Variants in LSAMP observed in about 807,000 individuals in gnomAD.
LSAMP encodes the protein limbic system associated membrane protein.
In LSAMP, 7 loss-of-function variants were observed where a neutral mutation model predicts 38.6. The ratio of observed to expected loss-of-function variants is 0.18; its 90% CI spans 0.10 to 0.34. LSAMP has a LOEUF of 0.34. Among genes scored for constraint, LSAMP ranks in the 10% least tolerant of loss-of-function variants. LSAMP has a pLI of 1.00. For synonymous variants in LSAMP, 154 were observed against 166.8 expected, an observed-to-expected ratio of 0.92 and a Z score of 0.59; for missense variants, 313 against 420.0, an observed-to-expected ratio of 0.75 and a Z score of 2.23.
chr3:116,044,889 G>A (rs1306817049), intron 2 of LSAMP, among the ~76,000 whole-genome samples: 1 of 152,130 alleles, frequency 6.6e-6, no homozygotes, highest in Non-Finnish European at 1.5e-5. Flanking sequence ...AGTGGAAGAT[G>A]CCCTGAAAAG....
intron 1 of LSAMP, among the ~76,000 whole-genome samples, chr3:116,321,324 G>T (rs2047702843): frequency 6.6e-6 from 1 of 152,094 alleles, no homozygotes; most frequent in Non-Finnish European, 1.5e-5. Context: ...AGTAAGTCAT[G>T]ATCTTACCAC....
intron 1 of LSAMP, among the ~76,000 whole-genome samples, chr3:116,253,131 T>C (rs183562947): frequency 5.1e-4 from 77 of 152,118 alleles, no homozygotes; most frequent in Admixed American, 5.9e-4. Flanking sequence ...AAGAGAGAGC[T>C]AGGAATTTTC....
At position 116,162,768 on chromosome 3, in the gene LSAMP, TACACACAC is replaced by T. The variant is rs71141856; in HGVS notation, c.156-76220_156-76213del. Among the ~76,000 whole-genome samples the T allele has an allele frequency of 8.2e-4, 121 of 147,438 alleles. No individual in the cohort carries two copies. The East Asian group carries it at 9.7e-3, about 12-fold the overall frequency. ...TATACATATCGTATACACACACTTA[TACACACAC>T]ACACACACACACACACACACACTTT... On this transcript the variant is annotated intron_variant, in intron 1 of 6. Transcript: ENST00000490035.
intron 3 of LSAMP, among the ~76,000 whole-genome samples, chr3:115,871,641 A>G (rs999073281): frequency 1.4e-4 from 13 of 94,380 alleles, no homozygotes; most frequent in African/African-American, 4.6e-4. Context: ...CAGAGAGACA[A>G]AGAGAGAGAG....
At chr3:115,903,913 C>T (rs901003860) in intron 3 of LSAMP, among the ~76,000 whole-genome samples, 1 of 152,120 alleles carries the variant, frequency 6.6e-6, no homozygotes. Flanking sequence ...AAAGTCTTCC[C>T]TCCAAAATTC....
chr3:116,245,244 C>T (rs1187080864), intron 1 of LSAMP, among the ~76,000 whole-genome samples: 1 of 152,098 alleles, frequency 6.6e-6, no homozygotes, highest in Admixed American at 6.6e-5. Context: ...AGGATCATGG[C>T]CCCAGAAGTT....
chr3:116,175,738 G>A (rs1197890152), intron 1 of LSAMP, among the ~76,000 whole-genome samples: 4 of 151,856 alleles, frequency 2.6e-5, no homozygotes, highest in African/African-American at 9.7e-5. Context: ...CTGGGTCAAA[G>A]TGAGTGTCAT....
At chr3:115,941,874 C>A (rs941583155) in intron 3 of LSAMP, among the ~76,000 whole-genome samples, 2 of 151,928 alleles carry the variant, frequency 1.3e-5, no homozygotes, top group Non-Finnish European at 2.9e-5. Flanking sequence ...ATCTAATGCA[C>A]AACTTGGTGG....
chr3:116,071,018 CA>C (rs1240657981), intron 2 of LSAMP, among the ~76,000 whole-genome samples: 4 of 150,118 alleles, frequency 2.7e-5, no homozygotes, highest in African/African-American at 9.8e-5. Flanking sequence ...CCAGCCTGGG[CA>C]ACAAGAATGA....
chr3:116,178,881 C>G (rs1411979881), intron 1 of LSAMP, among the ~76,000 whole-genome samples: 2 of 152,190 alleles, frequency 1.3e-5, no homozygotes, highest in Admixed American at 1.3e-4. Context: ...TATATGATCT[C>G]ACTGTCTTTT....
At chr3:116,016,395 G>T (rs1940484001) in intron 3 of LSAMP, among the ~76,000 whole-genome samples, 1 of 152,186 alleles carries the variant, frequency 6.6e-6, no homozygotes, top group African/African-American at 2.4e-5. Flanking sequence ...AGCTAGTTTT[G>T]CATGTGCCAG....
At chr3:116,228,148 T>G (rs1401126114) in intron 1 of LSAMP, among the ~76,000 whole-genome samples, 2 of 152,118 alleles carry the variant, frequency 1.3e-5, no homozygotes, top group Admixed American at 6.5e-5. Context: ...TGGTCCACAA[T>G]TTTTCTAATA....
intron 1 of LSAMP, among the ~76,000 whole-genome samples, chr3:116,408,845 C>T (rs1407770037): frequency 6.6e-6 from 1 of 151,950 alleles, no homozygotes; most frequent in East Asian, 1.9e-4. Flanking sequence ...AAAGCATAAA[C>T]CCTTCTTTGC....
chr3:116,376,111 T>C (rs2048489948), intron 1 of LSAMP, among the ~76,000 whole-genome samples: 1 of 152,054 alleles, frequency 6.6e-6, no homozygotes, highest in South Asian at 2.1e-4. Context: ...TGCCAACAAA[T>C]GTTTGGAACA....
intron 2 of LSAMP, among the ~76,000 whole-genome samples, chr3:116,035,654 A>G (rs1014098999): frequency 7.9e-5 from 12 of 152,230 alleles, no homozygotes; most frequent in African/African-American, 2.9e-4. Context: ...GCTTCCACCC[A>G]GATATTTCTT....
chr3:116,147,487 A>T (rs1709516420), intron 1 of LSAMP, among the ~76,000 whole-genome samples: 2 of 151,984 alleles, frequency 1.3e-5, no homozygotes, highest in Admixed American at 6.6e-5. Flanking sequence ...TATAAGTTTA[A>T]TTTCACATAA....
chr3:116,029,932 A>C lies in LSAMP; in HGVS notation c.389-10292T>G, dbSNP rs187062141. Among the ~76,000 whole-genome samples the C allele has an allele frequency of 2.9e-4, 44 of 152,242 alleles. No homozygotes were observed. In the Middle Eastern group the frequency reaches 0.027, roughly 95 times the overall value. On this transcript the variant is annotated intron_variant, in intron 2 of 6. Coordinates refer to ENST00000490035, the MANE Select transcript of LSAMP (RefSeq NM_002338.5). ...CAGGAAGTCAGATGTACAACAAAAC[A>C]GTCCCTAGAGACTCATCCAGACAGT... is the stretch of plus-strand genomic sequence containing the variant.
At chr3:116,395,266 T>TA (rs1453805980) in intron 1 of LSAMP, among the ~76,000 whole-genome samples, 3 of 152,192 alleles carry the variant, frequency 2.0e-5, no homozygotes, top group Non-Finnish European at 4.4e-5. Flanking sequence ...GTGTTCACAT[T>TA]AGATCGGAAA....
At chr3:116,301,198 T>C (rs1170791482) in intron 1 of LSAMP, among the ~76,000 whole-genome samples, 3 of 152,106 alleles carry the variant, frequency 2.0e-5, no homozygotes, top group Non-Finnish European at 4.4e-5. Context: ...AATAGAAATA[T>C]GCAATAAAAA....
Sources: gnomAD v4.1 joint callset for allele counts (sites outside exome capture counted in the v4.1 genomes callset) on GRCh38, gnomAD v4.1.1 for gene constraint, MANE v1.5 for transcripts, NCBI Gene and HGNC (gene_info 2026-07-23, HGNC 2026-07-21) for gene names.